TBC1D9B: variants seen among roughly 807,000 people sequenced by gnomAD.
TBC1D9B encodes the protein TBC1 domain family member 9B, also known as TBC1 domain family, member 9B (with GRAM domain).
TBC1D9B carries 87 observed loss-of-function variants against 121.1 expected under a neutral mutation model. The ratio of observed to expected loss-of-function variants is 0.72; its 90% CI spans 0.60 to 0.86. The LOEUF (loss-of-function observed/expected upper bound fraction) is 0.86. Ranked by LOEUF, TBC1D9B falls within the 40% of genes least tolerant of loss-of-function variation. The pLI is 0.00. For synonymous variants in TBC1D9B, 668 were observed against 670.1 expected (o/e 1.00, Z 0.05); for missense variants, 1,540 against 1,628.6 (o/e 0.95, Z 0.94).
At chr5:179,900,767 G>C (rs939359307) in intron 2 of TBC1D9B, among the ~76,000 whole-genome samples, 3 of 152,166 alleles carry the variant, frequency 2.0e-5, no homozygotes, top group African/African-American at 7.2e-5. Flanking sequence ...TCGCATGCAC[G>C]GATCTCCTTC....
Position 179,890,949 on chromosome 5 carries a change from C to T in TBC1D9B, c.1044+430G>A, listed in dbSNP as rs1012578858. Among the ~76,000 whole-genome samples, 3 of 152,342 alleles carry T rather than the reference C, an allele frequency of 2.0e-5. No homozygotes were observed. The highest frequency in any genetic ancestry group is 3.4e-3 in the Middle Eastern group (1 of 294). On this transcript the variant is annotated intron_variant, in intron 6 of 20. Coordinates refer to ENST00000355235, the MANE Select transcript of TBC1D9B (RefSeq NM_015043.4). The surrounding 1 kb of genome is among the most constrained non-coding windows in gnomAD (Gnocchi z 5.0). ...CTGATGGCCTGCTGGAGCCGAGCCA[C>T]GCCAAGGTGGTATGTCCAGAGAGGA...
At position 179,879,080 on chromosome 5, in the gene TBC1D9B, T is replaced by C; in HGVS notation, c.1534A>G (p.Ser512Gly). The change falls in exon 9 of 21, where the codon AGC becomes GGC. Residue 512 changes from serine (S) to glycine (G), a missense_variant. Coordinates refer to ENST00000355235, the MANE Select transcript of TBC1D9B (RefSeq NM_015043.4). Reference protein sequence around the residue: ...RALVLKGIPESLRGELWLLFS... With the variant: ...RALVLKGIPEGLRGELWLLFS... ...AGGAGCCACAGCTCTCCCCGGAGGC[T>C]CTCAGGGATACCCTTCAGGACCAGT... The C allele has an allele frequency of 6.2e-7, 1 of 1,605,692 alleles. No individual in the cohort carries two copies. The highest frequency in any genetic ancestry group is 8.5e-7 in the Non-Finnish European group (1 of 1,179,942).
Position 179,878,348 on chromosome 5 carries a change from A to G in TBC1D9B, c.1743T>C (p.Thr581=). The G allele has an allele frequency of 6.2e-7, 1 of 1,613,844 alleles. No individual in the cohort carries two copies. Among genetic ancestry groups the G allele is most frequent in the Non-Finnish European group, 8.5e-7 (1 of 1,179,958 alleles). ...LGIAALRRVL[T]AYAFRNPTIG... ...TGGTGGGGTTTCGGAAGGCATAGGCAGTCAGCACCCGCCGGAGGGCAGCAA... is the reference window on the plus strand; with the variant it reads ...TGGTGGGGTTTCGGAAGGCATAGGCGGTCAGCACCCGCCGGAGGGCAGCAA... The change falls in exon 10 of 21, where the codon ACT becomes ACC. Residue 581 remains threonine, a synonymous_variant. Coordinates refer to ENST00000355235, the MANE Select transcript of TBC1D9B (RefSeq NM_015043.4).
intron 10 of TBC1D9B, among the ~76,000 whole-genome samples, chr5:179,877,972 C>T (rs186471899): frequency 1.1e-4 from 16 of 152,216 alleles, no homozygotes; most frequent in African/African-American, 3.9e-4. Context: ...ATGGCGGTGA[C>T]GGGCGTGCAA....
chr5:179,879,484 G>T, intron 8 of TBC1D9B, 144 bp downstream of exon 8: 1 of 1,314,256 alleles, frequency 7.6e-7, no homozygotes, highest in South Asian at 1.3e-5. Context: ...TCCGTCTCAC[G>T]CTGCCAGGGT....
chr5:179,877,474 C>A (rs1708410851), intron 10 of TBC1D9B, among the ~76,000 whole-genome samples: 2 of 151,556 alleles, frequency 1.3e-5, no homozygotes. Context: ...ACCAGCCTAG[C>A]CAACATGGCG....
In TBC1D9B at chr5:179,878,303, C is replaced by G. The variant is rs199516980; in HGVS notation, c.1782+6G>C. ...GCTGTCTCTGGGCCCCTGTCAGGCC[C>G]CTTACCTGGCAGTAGCCGATGGTGG... On this transcript the variant is annotated splice_donor_region_variant and intron_variant, in intron 10 of 20. Coordinates refer to ENST00000355235, the MANE Select transcript of TBC1D9B (RefSeq NM_015043.4). 6 of 1,609,256 alleles carry G rather than the reference C, an allele frequency of 3.7e-6. No homozygotes were observed. Among genetic ancestry groups the G allele is most frequent in the Non-Finnish European group, 3.4e-6 (4 of 1,178,666 alleles).
intron 7 of TBC1D9B, 126 bp from the exon 8 acceptor site, chr5:179,879,915 C>T (rs969364915): frequency 5.1e-6 from 6 of 1,165,266 alleles, no homozygotes; most frequent in African/African-American, 3.1e-5. Flanking sequence ...AAACGGTGCA[C>T]GGAGAAGAGC....
chr5:179,888,481 G>GC (rs1055247315), intron 6 of TBC1D9B, among the ~76,000 whole-genome samples, 169 bp from the exon 7 acceptor site: 1 of 152,138 alleles, frequency 6.6e-6, no homozygotes, highest in Non-Finnish European at 1.5e-5. Flanking sequence ...CTAACCCCGA[G>GC]CAAGTTGCCT....
At chr5:179,872,848 G>GCCCCCCCCACCCCACC in intron 14 of TBC1D9B, 44 bp downstream of exon 14, 2 of 1,457,252 alleles carry the variant, frequency 1.4e-6, no homozygotes, top group Admixed American at 3.4e-5. Flanking sequence ...AGGCACTGCT[G>GCCCCCCCCACCCCACC]CCCCCCCAGC....
intron 17 of TBC1D9B, 72 bp downstream of exon 17, chr5:179,869,697 G>A: frequency 6.5e-7 from 1 of 1,543,080 alleles, no homozygotes; most frequent in Non-Finnish European, 8.9e-7. Context: ...GTCTCACAGA[G>A]GCCTGTCCTC....
chr5:179,867,970 G>A, intron 17 of TBC1D9B, 121 bp from the exon 18 acceptor site: 2 of 860,454 alleles, frequency 2.3e-6, no homozygotes, highest in Non-Finnish European at 3.3e-6. Context: ...GCCAGTCCCA[G>A]CACCTGCCCA....
intron 3 of TBC1D9B, among the ~76,000 whole-genome samples, chr5:179,895,024 G>A (rs753534175): frequency 1.3e-4 from 20 of 152,062 alleles, no homozygotes; most frequent in Non-Finnish European, 2.4e-4. Context: ...ACCACACCTG[G>A]CTAATTTTGT....
In TBC1D9B at chr5:179,885,066, T is replaced by C. The variant is rs1760639934; in HGVS notation, c.1254+3037A>G. ...CCCTTGATGCTCGACTCCATCATCT[T>C]GTGCCCCTGCTTCTGTGATGGGCTC... On this transcript the variant is annotated intron_variant, in intron 7 of 20. Transcript: ENST00000355235. This position sits in a 1 kb window ranked among gnomAD's most constrained non-coding sequence, Gnocchi z 4.5. Among the ~76,000 whole-genome samples the C allele has an allele frequency of 6.6e-6, 1 of 152,190 alleles. No individual in the cohort carries two copies. Among genetic ancestry groups the C allele is most frequent in the South Asian group, 2.1e-4 (1 of 4,830 alleles).
chr5:179,875,158 C>G lies in TBC1D9B; in HGVS notation c.1930G>C (p.Glu644Gln). The change falls in exon 12 of 21, where the codon GAG becomes CAG. Residue 644 changes from glutamate to glutamine, a missense_variant. Physicochemically the swap from Glu to Gln is conservative, Grantham distance 29. Transcript: ENST00000355235. The surrounding 1 kb of genome is among the most constrained non-coding windows in gnomAD (Gnocchi z 4.5). ...GALVDQGIFE[E>Q]LTRDFLPQLS... ...TGCGGCAGGAAGTCTCTCGTGAGCT[C>G]TTCGAAGATGCCTTGGTCCACCAGG... The G allele has an allele frequency of 6.2e-7, 1 of 1,613,704 alleles. No homozygotes were observed. Among genetic ancestry groups the G allele is most frequent in the South Asian group, 1.1e-5 (1 of 91,084 alleles).
At chr5:179,869,633 C>T (rs770134867) in intron 17 of TBC1D9B, 136 bp downstream of exon 17, 1 of 942,390 alleles carries the variant, frequency 1.1e-6, no homozygotes, top group East Asian at 2.6e-5. Flanking sequence ...GCTCCCTCTC[C>T]TCCAATGTGA....
chr5:179,900,858 C>G (rs1465485233), intron 2 of TBC1D9B, among the ~76,000 whole-genome samples: 1 of 152,126 alleles, frequency 6.6e-6, no homozygotes, highest in East Asian at 1.9e-4. Context: ...TGACTGTGAA[C>G]CAGACGTCTC....
chr5:179,878,639 A>G, intron 9 of TBC1D9B, 116 bp from the exon 10 acceptor site: 1 of 1,023,402 alleles, frequency 9.8e-7, no homozygotes, highest in Non-Finnish European at 1.4e-6. Flanking sequence ...CTTGGGGTCA[A>G]GCACAAGCTG....
intron 12 of TBC1D9B, among the ~76,000 whole-genome samples, chr5:179,873,937 C>A (rs1760279696): frequency 6.6e-6 from 1 of 152,182 alleles, no homozygotes; most frequent in Non-Finnish European, 1.5e-5. Context: ...ACTCCGGCCA[C>A]AGGCTGAGTA....
Sources: gnomAD v4.1 joint callset for allele counts (sites outside exome capture counted in the v4.1 genomes callset) on GRCh38, gnomAD v4.1.1 for gene constraint, Gnocchi (gnomAD v3.1) non-coding constraint, MANE v1.5 for transcripts, NCBI Gene and HGNC (gene_info 2026-07-23, HGNC 2026-07-21) for gene names.